Variants in VPS41 observed in about 807,000 individuals in gnomAD.
VPS41 encodes the protein vacuolar protein sorting-associated protein 41 homolog.
VPS41 carries 85 observed loss-of-function variants against 130.9 expected under a neutral mutation model. The observed-to-expected ratio is 0.65, with a 90% confidence interval of 0.55 to 0.78. VPS41 has a LOEUF of 0.78. VPS41 is among the 30% of genes least tolerant of loss of function. The pLI, the probability that VPS41 is intolerant of heterozygous loss-of-function variation, is 0.00. For synonymous variants in VPS41, 335 were observed against 332.9 expected (o/e 1.01, Z -0.07); for missense variants, 874 against 1,018.7 (o/e 0.86, Z 1.93).
chr7:38,739,785 G>A (rs1434324927), intron 25 of VPS41, among the ~76,000 whole-genome samples: 1 of 152,034 alleles, frequency 6.6e-6, no homozygotes, highest in Non-Finnish European at 1.5e-5. Context: ...ACAGCTTTTT[G>A]GACCCACTAG....
chr7:38,761,229 CTCTT>C (rs1783905297), intron 17 of VPS41, among the ~76,000 whole-genome samples: 4 of 145,342 alleles, frequency 2.8e-5, no homozygotes, highest in South Asian at 4.5e-4. Context: ...CTCTCTCTCC[CTCTT>C]TCTTTGTTTT....
chr7:38,864,117 G>T (rs1037280119), intron 3 of VPS41, among the ~76,000 whole-genome samples: 6 of 152,192 alleles, frequency 3.9e-5, no homozygotes, highest in African/African-American at 1.4e-4. Context: ...TGCTCCCCAA[G>T]TATTTCACAA....
At chr7:38,774,764 G>GC (rs1784226012) in intron 11 of VPS41, among the ~76,000 whole-genome samples, 1 of 152,136 alleles carries the variant, frequency 6.6e-6, no homozygotes, top group Non-Finnish European at 1.5e-5. Flanking sequence ...AACAGCCCTT[G>GC]CCTGTGAACT....
chr7:38,752,376 TTGCTA>T, intron 21 of VPS41, 63 bp from the exon 22 acceptor site: 6 of 1,598,976 alleles, frequency 3.8e-6, no homozygotes, highest in Non-Finnish European at 5.1e-6. Flanking sequence ...CTGGCTAACA[TTGCTA>T]TTTTTAGCTC....
chr7:38,851,586 T>C (rs1203637084), intron 4 of VPS41, among the ~76,000 whole-genome samples: 2 of 152,218 alleles, frequency 1.3e-5, no homozygotes, highest in African/African-American at 2.4e-5. Flanking sequence ...GACGTATAGA[T>C]TGTTTCCAGT....
chr7:38,833,914 A>T (rs1324034027), intron 4 of VPS41, among the ~76,000 whole-genome samples: 1 of 152,202 alleles, frequency 6.6e-6, no homozygotes, highest in Non-Finnish European at 1.5e-5. Flanking sequence ...ACCCACAAAC[A>T]TAAATGAAAA....
rs77939530 is a variant in VPS41 at position 38,898,722 on chromosome 7, T to C, written c.22-593A>G. 5.0e-3 allele frequency among the ~76,000 whole-genome samples: 764 copies of C among 152,336 alleles called. 7 individuals are homozygous for C. Among genetic ancestry groups the C allele is most frequent in the African/African-American group, 0.017 (688 of 41,580 alleles). On this transcript the variant is annotated intron_variant, in intron 1 of 28. Transcript: ENST00000310301. ...TTCCCTCTCGCTAGACAATGAATCT[T>C]GCTGCTCTGAAGGAAACAAAGCAAA...
In VPS41 at chr7:38,723,810, G is replaced by A. The variant is rs1416718582; in HGVS notation, c.*2436C>T. The A allele has an allele frequency of 2.0e-5, 3 of 149,112 alleles. No individual in the cohort carries two copies. In the South Asian group the frequency reaches 6.4e-4, roughly 32 times the overall value. The allele number at this position is 149,112 out of a possible 1,614,324, so 9.2% of individuals were successfully genotyped here. ...TGTTCTTCCCCAAAACGAGGGGAAT[G>A]GGTTTCCTTTTTACCTATATTTTAA... On this transcript the variant is annotated 3_prime_UTR_variant, in exon 29 of 29. Coordinates refer to ENST00000310301, the MANE Select transcript of VPS41 (RefSeq NM_014396.4).
rs1340309078 is a variant in VPS41, at chr7:38,767,594, A to G, written c.1190T>C (p.Ile397Thr). ...KNIKRHKILD[I>T]GLAYINHLVE... ...CAGGTGATTTATATATGCCAAGCCAATATCCTAGAGAAAGCCAAATGAAGA... is the reference window on the plus strand; with the variant it reads ...CAGGTGATTTATATATGCCAAGCCAGTATCCTAGAGAAAGCCAAATGAAGA... The change falls in exon 15 of 29, where the codon ATT (isoleucine) becomes ACT (threonine). Residue 397 changes from isoleucine to threonine, a missense_variant. Physicochemically the swap from Ile to Thr is moderately conservative, Grantham distance 89. Transcript: ENST00000310301. The G allele has an allele frequency of 2.5e-6, 4 of 1,609,362 alleles. No individual in the cohort carries two copies. Among genetic ancestry groups the G allele is most frequent in the Non-Finnish European group, 3.4e-6 (4 of 1,177,148 alleles).
intron 5 of VPS41, among the ~76,000 whole-genome samples, chr7:38,828,579 T>A (rs1473958822): frequency 6.6e-6 from 1 of 152,206 alleles, no homozygotes; most frequent in Non-Finnish European, 1.5e-5. Context: ...CTTTACCAGA[T>A]CATTCTATAC....
chr7:38,763,041 T>C (rs969510654), intron 17 of VPS41, among the ~76,000 whole-genome samples: 1 of 152,154 alleles, frequency 6.6e-6, no homozygotes, highest in Non-Finnish European at 1.5e-5. Context: ...TTAAATTACA[T>C]TACTTTAAAA....
intron 7 of VPS41, 137 bp from the exon 8 acceptor site, chr7:38,797,001 T>G: frequency 2.1e-6 from 2 of 931,736 alleles, no homozygotes; most frequent in Non-Finnish European, 3.2e-6. Context: ...AGACTTACAG[T>G]AGTATGTTAT....
intron 2 of VPS41, 65 bp downstream of exon 2, chr7:38,898,026 A>C: frequency 1.4e-6 from 2 of 1,471,110 alleles, no homozygotes; most frequent in Non-Finnish European, 1.9e-6. Context: ...TTTAGCAAAG[A>C]AGCGCAACTC....
At chr7:38,783,751 C>G (rs1213906017) in intron 10 of VPS41, among the ~76,000 whole-genome samples, 1 of 151,866 alleles carries the variant, frequency 6.6e-6, no homozygotes, top group Non-Finnish European at 1.5e-5. Context: ...AAAAAAAAAA[C>G]TGTTTAAAAC....
chr7:38,726,773 G>A (rs958192550), intron 28 of VPS41, 136 bp downstream of exon 28: 15 of 666,606 alleles, frequency 2.3e-5, no homozygotes, highest in Non-Finnish European at 3.0e-5. Context: ...ATTAATTTTT[G>A]TTATGTGATA....
At chr7:38,803,140 G>A (rs991322448) in intron 7 of VPS41, among the ~76,000 whole-genome samples, 10 of 152,154 alleles carry the variant, frequency 6.6e-5, no homozygotes, top group Admixed American at 5.9e-4. Context: ...CTACTCTACA[G>A]AGTGGTATAA....
At chr7:38,733,579 T>A (rs996649688) in intron 25 of VPS41, among the ~76,000 whole-genome samples, 1 of 152,146 alleles carries the variant, frequency 6.6e-6, no homozygotes. Context: ...CTTTCAAAGA[T>A]CAATCATTTT....
chr7:38,863,255 T>C (rs1786159397), intron 3 of VPS41, among the ~76,000 whole-genome samples: 1 of 152,228 alleles, frequency 6.6e-6, no homozygotes, highest in East Asian at 1.9e-4. Flanking sequence ...TTTTATGTCG[T>C]AAGTCCTACT....
intron 4 of VPS41, among the ~76,000 whole-genome samples, chr7:38,835,326 C>T (rs1007817538): frequency 1.3e-5 from 2 of 151,872 alleles, no homozygotes; most frequent in East Asian, 1.9e-4. Context: ...AATTTCCAGA[C>T]ATTAATATAC....
Sources: gnomAD v4.1 joint callset for allele counts (sites outside exome capture counted in the v4.1 genomes callset) on GRCh38, gnomAD v4.1.1 for gene constraint, MANE v1.5 for transcripts, NCBI Gene and HGNC (gene_info 2026-07-23, HGNC 2026-07-21) for gene names.